Variants in SUDS3 observed in about 807,000 individuals in gnomAD.
SUDS3 encodes sin3 histone deacetylase corepressor complex component SDS3.
SUDS3 carries 23 observed loss-of-function variants against 53.5 expected under a neutral mutation model. The observed-to-expected ratio is 0.43, with a 90% confidence interval of 0.31 to 0.61. SUDS3 has a LOEUF of 0.61. Among genes scored for constraint, SUDS3 ranks in the 20% least tolerant of loss-of-function variants. The probability of loss-of-function intolerance (pLI) is 0.10; values close to 1 mark genes in which losing one functional copy is unlikely to be tolerated. For missense variants in SUDS3, 291 were observed against 405.9 expected, an observed-to-expected ratio of 0.72 and a Z score of 2.43; for synonymous variants, 150 against 148.5, an observed-to-expected ratio of 1.01 and a Z score of -0.08.
rs1196009164 is a variant in SUDS3 at position 118,412,704 on chromosome 12, TCTC to T, written c.888+1551_888+1553del. On this transcript the variant is annotated intron_variant, in intron 11 of 11. Transcript: ENST00000543473. Reference sequence around the variant, plus strand: ...CCTAACTTCAGAACCAGTGCATTATTCTCCTCTATGATACCTCAAGATTTTTCA... The same window carrying T: ...CCTAACTTCAGAACCAGTGCATTATTCTCTATGATACCTCAAGATTTTTCA... Among the ~76,000 whole-genome samples the T allele has an allele frequency of 3.3e-5, 5 of 152,276 alleles. No homozygotes were observed. In the East Asian group the frequency reaches 7.7e-4, roughly 23 times the overall value.
chr12:118,405,628 T>C (rs1374533111), intron 10 of SUDS3, among the ~76,000 whole-genome samples: 1 of 152,226 alleles, frequency 6.6e-6, no homozygotes, highest in African/African-American at 2.4e-5. Context: ...TTGTTTTTTT[T>C]CTCTATTCTG....
At chr12:118,390,989 C>A (rs1566200709) in intron 5 of SUDS3, 137 bp from the exon 6 acceptor site, 1 of 1,011,156 alleles carries the variant, frequency 9.9e-7, no homozygotes. Context: ...AGCTTGTTCT[C>A]AGACACACTG....
intron 4 of SUDS3, among the ~76,000 whole-genome samples, chr12:118,387,541 C>G (rs1455330466): frequency 6.6e-6 from 1 of 151,672 alleles, no homozygotes; most frequent in Non-Finnish European, 1.5e-5. Flanking sequence ...GACTCTCAAT[C>G]ATGTCCTCAT....
chr12:118,386,000 TC>T (rs2046111469), intron 3 of SUDS3, 113 bp from the exon 4 acceptor site: 1 of 836,644 alleles, frequency 1.2e-6, no homozygotes, highest in African/African-American at 1.7e-5. Flanking sequence ...AGGTGTGTCT[TC>T]CTTTGGTGTT....
At chr12:118,393,385 CGG>C (rs2046185091) in intron 6 of SUDS3, among the ~76,000 whole-genome samples, 1 of 152,062 alleles carries the variant, frequency 6.6e-6, no homozygotes, top group Non-Finnish European at 1.5e-5. Context: ...CCACTGGAAA[CGG>C]GTGTATTTGG....
chr12:118,383,995 CT>C lies in SUDS3; in HGVS notation c.213-5del, dbSNP rs113340474. On this transcript the variant is annotated splice_polypyrimidine_tract_variant and intron_variant, in intron 2 of 11. Transcript: ENST00000543473. ...TGAATGTTTTTATCTGTTAGTGTGA[CT>C]TTTTTTTTTTTATAGGATGTATCAG... 143,526 of 1,144,122 alleles carry C rather than the reference CT, an allele frequency of 0.13. 1,696 individuals carry two copies. Among genetic ancestry groups the C allele is most frequent in the East Asian group, 0.38 (13,041 of 34,336 alleles). The allele number at this position is 1,144,122 out of a possible 1,614,324, so 70.9% of individuals were successfully genotyped here.
chr12:118,401,702 GA>G, intron 7 of SUDS3, 56 bp from the exon 8 acceptor site: 1 of 1,391,138 alleles, frequency 7.2e-7, no homozygotes, highest in Non-Finnish European at 1.0e-6. Flanking sequence ...CCATTGTGTT[GA>G]TTACTCTTTG....
chr12:118,379,670 A>G (rs994096187), intron 1 of SUDS3, among the ~76,000 whole-genome samples: 3 of 152,200 alleles, frequency 2.0e-5, no homozygotes, highest in African/African-American at 7.2e-5. Flanking sequence ...GCAGCGAGTA[A>G]GGCTTGACTG....
At chr12:118,397,314 T>TA (rs1566204002) in intron 6 of SUDS3, among the ~76,000 whole-genome samples, 1 of 152,132 alleles carries the variant, frequency 6.6e-6, no homozygotes, top group Admixed American at 6.5e-5. Context: ...TTGGGACTCT[T>TA]AGAGTCCCAG....
intron 1 of SUDS3, among the ~76,000 whole-genome samples, chr12:118,377,183 T>TTG (rs2046006755): frequency 6.6e-6 from 1 of 152,032 alleles, no homozygotes; most frequent in African/African-American, 2.4e-5. Context: ...CGCCCCTTTT[T>TTG]TGTGTGTGAG....
chr12:118,402,168 TC>T lies in SUDS3; in HGVS notation c.697+167del, dbSNP rs531949816. On this transcript the variant is annotated intron_variant, in intron 9 of 11. Transcript: ENST00000543473. The stretch of plus-strand genomic sequence containing the variant: ...CTGAAGGGGACCTTAACTATACCCC[TC>T]CCTGATTTCTTTTTTTTTCATAACC... 8.6e-5 allele frequency: 56 copies of T among 650,172 alleles called. No individual in the cohort carries two copies. In the South Asian group the frequency reaches 1.1e-3, roughly 13 times the overall value. The allele number at this position is 650,172 out of a possible 1,614,324, so 40.3% of individuals were successfully genotyped here.
In SUDS3 at chr12:118,414,685, G is replaced by T; in HGVS notation, c.*252G>T. 8.1e-6 allele frequency: 3 copies of T among 368,572 alleles called. No individual in the cohort carries two copies. The highest frequency in any genetic ancestry group is 2.1e-5 in the African/African-American group (1 of 47,800). 22.8% of individuals were successfully genotyped at this position (368,572 alleles called of 1,614,324 possible). On this transcript the variant is annotated 3_prime_UTR_variant, in exon 12 of 12. Transcript: ENST00000543473. ...CTGTTTTACTTTCAGGCGTATTGGG[G>T]GGTTTGATTTACTTTCCTTTTATTT...
At chr12:118,405,101 G>A (rs2046298338) in intron 10 of SUDS3, among the ~76,000 whole-genome samples, 1 of 152,158 alleles carries the variant, frequency 6.6e-6, no homozygotes, top group African/African-American at 2.4e-5. Flanking sequence ...AGAACACATC[G>A]CCACTAGGTG....
At chr12:118,393,784 C>A (rs1593765339) in intron 6 of SUDS3, among the ~76,000 whole-genome samples, 1 of 152,056 alleles carries the variant, frequency 6.6e-6, no homozygotes, top group Admixed American at 6.6e-5. Context: ...GATTCTCCTG[C>A]CTCAGCCTCC....
At chr12:118,392,609 A>G (rs1176950065) in intron 6 of SUDS3, among the ~76,000 whole-genome samples, 1 of 152,146 alleles carries the variant, frequency 6.6e-6, no homozygotes, top group Non-Finnish European at 1.5e-5. Flanking sequence ...GTGCTTATTT[A>G]ATGAGACCAG....
Position 118,414,686 on chromosome 12 carries a change from G to T in SUDS3, c.*253G>T. 2 of 362,774 alleles carry T rather than the reference G, an allele frequency of 5.5e-6. No individual in the cohort carries two copies. The highest frequency in any genetic ancestry group is 9.8e-6 in the Non-Finnish European group (2 of 204,356). The allele number at this position is 362,774 out of a possible 1,614,324, so 22.5% of individuals were successfully genotyped here. ...TGTTTTACTTTCAGGCGTATTGGGG[G>T]GTTTGATTTACTTTCCTTTTATTTC... is the stretch of plus-strand genomic sequence containing the variant. On this transcript the variant is annotated 3_prime_UTR_variant, in exon 12 of 12. Transcript: ENST00000543473.
chr12:118,386,286 C>CCTGA, intron 4 of SUDS3, 101 bp downstream of exon 4: 2 of 911,280 alleles, frequency 2.2e-6, no homozygotes, highest in Non-Finnish European at 3.4e-6. Flanking sequence ...AAAACATATC[C>CCTGA]CAGATACTCT....
chr12:118,401,853 C>T, intron 8 of SUDS3, 33 bp downstream of exon 8: 6 of 1,609,370 alleles, frequency 3.7e-6, no homozygotes, highest in Non-Finnish European at 5.1e-6. Flanking sequence ...TATTTGAAAA[C>T]TCAGGCTTTT....
At chr12:118,376,903 C>T (rs1181913019) in intron 1 of SUDS3, 70 bp downstream of exon 1, 6 of 286,406 alleles carry the variant, frequency 2.1e-5, no homozygotes, top group Non-Finnish European at 3.4e-5. Flanking sequence ...TGGGGCTGTT[C>T]GGGAGAGGGG....
Sources: allele counts gnomAD v4.1 joint callset (sites outside exome capture counted in the v4.1 genomes callset), GRCh38; gene constraint gnomAD v4.1.1; transcripts MANE v1.5; gene names NCBI Gene and HGNC (gene_info 2026-07-23, HGNC 2026-07-21).